Variants in TMEM38B observed in about 807,000 individuals in gnomAD.
TMEM38B encodes trimeric intracellular cation channel type B.
TMEM38B carries 24 observed loss-of-function variants against 28.7 expected under a neutral mutation model. The observed-to-expected ratio is 0.84, with a 90% CI of 0.61 to 1.18. The LOEUF (loss-of-function observed/expected upper bound fraction) is 1.18. Ranked by LOEUF, TMEM38B falls within the 50% of genes most tolerant of loss-of-function variation. The probability of loss-of-function intolerance (pLI) is 0.00; values close to 1 mark genes in which losing one functional copy is unlikely to be tolerated. For synonymous variants in TMEM38B, 131 were observed against 127.7 expected, an observed-to-expected ratio of 1.03 and a Z score of -0.17; for missense variants, 380 against 350.9, an observed-to-expected ratio of 1.08 and a Z score of -0.66.
chr9:105,756,645 T>C (rs1327886378), intron 5 of TMEM38B, among the ~76,000 whole-genome samples: 1 of 152,192 alleles, frequency 6.6e-6, no homozygotes, highest in African/African-American at 2.4e-5. Flanking sequence ...TTTCTTACAA[T>C]TGTTGCTGGA....
Position 105,767,666 on chromosome 9 carries a change from T to A in TMEM38B, c.661-6199T>A, listed in dbSNP as rs920780879. Among the ~76,000 whole-genome samples, 3 of 152,338 alleles carry A rather than the reference T, an allele frequency of 2.0e-5. No homozygotes were observed. In the East Asian group the frequency reaches 5.8e-4, roughly 29 times the overall value. On this transcript the variant is annotated intron_variant, in intron 5 of 5. Coordinates refer to ENST00000374692, the MANE Select transcript of TMEM38B (RefSeq NM_018112.3). ...ATATGTATCTTGTTAAATTTAAATTTATCCTGAAGTAGTTCATATTTTTGG... is the reference window on the plus strand; with the variant it reads ...ATATGTATCTTGTTAAATTTAAATTAATCCTGAAGTAGTTCATATTTTTGG...
intron 1 of TMEM38B, among the ~76,000 whole-genome samples, chr9:105,698,348 G>A (rs1835355629): frequency 6.6e-6 from 1 of 152,050 alleles, no homozygotes; most frequent in Non-Finnish European, 1.5e-5. Context: ...AGTGATGTTT[G>A]CTATAGGTTT....
chr9:105,766,325 T>A (rs1425439416), intron 5 of TMEM38B, among the ~76,000 whole-genome samples: 3 of 152,218 alleles, frequency 2.0e-5, no homozygotes, highest in Non-Finnish European at 4.4e-5. Context: ...TGAAGTGATA[T>A]CGCATTATAG....
intron 1 of TMEM38B, chr9:105,701,660 T>C (rs1419043849): frequency 2.6e-5 from 4 of 152,248 alleles, no homozygotes; most frequent in East Asian, 1.9e-4. Context: ...TAGTGGAATG[T>C]GGTAGCTATC....
chr9:105,758,166 G>A, intron 5 of TMEM38B: 1 of 623,462 alleles, frequency 1.6e-6, no homozygotes, highest in Admixed American at 2.4e-5. Context: ...ACAGACCTAT[G>A]GAGAGTTGGG....
chr9:105,721,776 C>A (rs1404787715), intron 3 of TMEM38B, 55 bp downstream of exon 3: 1 of 1,338,938 alleles, frequency 7.5e-7, no homozygotes, highest in Non-Finnish European at 1.0e-6. Flanking sequence ...ATTATTAATA[C>A]CATTACTGAA....
chr9:105,697,402 T>C (rs1249887363), intron 1 of TMEM38B, among the ~76,000 whole-genome samples: 2 of 152,250 alleles, frequency 1.3e-5, no homozygotes, highest in African/African-American at 2.4e-5. Flanking sequence ...TGTACCTGTT[T>C]AGCCTTTTAC....
At chr9:105,743,857 A>G (rs1427978633) in intron 4 of TMEM38B, among the ~76,000 whole-genome samples, 1 of 152,222 alleles carries the variant, frequency 6.6e-6, no homozygotes, top group African/African-American at 2.4e-5. Context: ...AAATCATGCT[A>G]TACAATGTGG....
At chr9:105,748,394 TA>T (rs1413538083) in intron 5 of TMEM38B, among the ~76,000 whole-genome samples, 1 of 151,362 alleles carries the variant, frequency 6.6e-6, no homozygotes, top group Non-Finnish European at 1.5e-5. Context: ...ATGCTAGGGC[TA>T]TCAGGACACA....
At chr9:105,706,644 A>G (rs1390484716) in intron 2 of TMEM38B, among the ~76,000 whole-genome samples, 1 of 152,188 alleles carries the variant, frequency 6.6e-6, no homozygotes, top group Non-Finnish European at 1.5e-5. Flanking sequence ...CGTTATGCTT[A>G]AGAGGCAAGG....
intron 5 of TMEM38B, chr9:105,748,968 G>T: frequency 1.2e-6 from 1 of 858,962 alleles, no homozygotes; most frequent in South Asian, 1.8e-5. Flanking sequence ...AGATATTTTT[G>T]GCTAAAAACT....
At chr9:105,763,718 C>T (rs1838155434) in intron 5 of TMEM38B, among the ~76,000 whole-genome samples, 1 of 152,190 alleles carries the variant, frequency 6.6e-6, no homozygotes, top group Non-Finnish European at 1.5e-5. Context: ...GGAATCCTCC[C>T]TTACTCATTT....
intron 5 of TMEM38B, among the ~76,000 whole-genome samples, chr9:105,748,821 C>T (rs1197786619): frequency 3.3e-5 from 5 of 152,262 alleles, no homozygotes; most frequent in African/African-American, 1.2e-4. Context: ...ATTTTGTTTG[C>T]AGCTGTATCA....
At chr9:105,706,499 T>G (rs1835672515) in intron 2 of TMEM38B, among the ~76,000 whole-genome samples, 1 of 152,240 alleles carries the variant, frequency 6.6e-6, no homozygotes, top group African/African-American at 2.4e-5. Flanking sequence ...GAGGTTTTTA[T>G]AAGTGGGCTC....
chr9:105,776,315 C>A lies in TMEM38B; in HGVS notation c.*2235C>A, dbSNP rs1320104603. 1 of 152,140 alleles carries A rather than the reference C, an allele frequency of 6.6e-6. No homozygotes were observed. Among genetic ancestry groups the A allele is most frequent in the African/African-American group, 2.4e-5 (1 of 41,428 alleles). 9.4% of individuals were successfully genotyped at this position (152,140 alleles called of 1,614,324 possible). A position where few individuals can be genotyped will look rare whatever the true frequency, so the allele number is the denominator to read the frequency against. Reference sequence around the variant, plus strand: ...TGGTTTATCAGATTAGTCACTCTTCCTTACTGAGGGAGTATCAAGTAAGGG... The same window carrying A: ...TGGTTTATCAGATTAGTCACTCTTCATTACTGAGGGAGTATCAAGTAAGGG... On this transcript the variant is annotated 3_prime_UTR_variant, in exon 6 of 6. Coordinates refer to ENST00000374692, the MANE Select transcript of TMEM38B (RefSeq NM_018112.3).
chr9:105,702,046 C>T (rs1294387914), intron 1 of TMEM38B, among the ~76,000 whole-genome samples: 1 of 152,044 alleles, frequency 6.6e-6, no homozygotes, highest in Non-Finnish European at 1.5e-5. Flanking sequence ...GAGACCCCAT[C>T]TCTGAAAAAA....
intron 2 of TMEM38B, among the ~76,000 whole-genome samples, chr9:105,717,797 C>G (rs999399981): frequency 3.9e-5 from 6 of 152,128 alleles, no homozygotes; most frequent in African/African-American, 1.4e-4. Context: ...TTGTTGATGG[C>G]AGTTTTCTTG....
intron 4 of TMEM38B, among the ~76,000 whole-genome samples, chr9:105,742,991 CA>C (rs1216319779): frequency 6.6e-6 from 1 of 152,050 alleles, no homozygotes. Flanking sequence ...CGTTCTAAAA[CA>C]TGACTGTTGG....
chr9:105,742,199 T>C (rs771844464), intron 4 of TMEM38B, among the ~76,000 whole-genome samples: 2 of 152,166 alleles, frequency 1.3e-5, no homozygotes, highest in Non-Finnish European at 2.9e-5. Context: ...AAACATATGC[T>C]TGAAAAAGAA....
Sources: gnomAD v4.1 joint callset for allele counts (sites outside exome capture counted in the v4.1 genomes callset) on GRCh38, gnomAD v4.1.1 for gene constraint, MANE v1.5 for transcripts, NCBI Gene and HGNC (gene_info 2026-07-23, HGNC 2026-07-21) for gene names.